The following CCDC191 variants were observed in gnomAD, a reference collection of about 807,000 sequenced individuals.
CCDC191 encodes the protein coiled-coil domain containing 191.
Under a neutral mutation model 114.0 loss-of-function variants are expected in CCDC191, and 99 were observed. That is an observed-to-expected ratio of 0.87 (90% confidence interval 0.74 to 1.03). The LOEUF (loss-of-function observed/expected upper bound fraction) is 1.03. CCDC191 is among the 50% of genes least tolerant of loss of function. The probability of loss-of-function intolerance (pLI) is 0.00; values close to 1 mark genes in which losing one functional copy is unlikely to be tolerated. For synonymous variants in CCDC191, 351 were observed against 376.0 expected (o/e 0.93, Z 0.77); for missense variants, 973 against 1,087.0 (o/e 0.90, Z 1.47).
chr3:113,988,277 C>T (rs1051825322), intron 13 of CCDC191, among the ~76,000 whole-genome samples: 3 of 151,666 alleles, frequency 2.0e-5, no homozygotes, highest in East Asian at 2.0e-4. Context: ...AGGTGGAGCA[C>T]GAGGTCAGGA....
chr3:113,996,397 T>G (rs2075724110), intron 13 of CCDC191, among the ~76,000 whole-genome samples: 1 of 152,188 alleles, frequency 6.6e-6, no homozygotes, highest in Non-Finnish European at 1.5e-5. Flanking sequence ...TTTATCAGGT[T>G]TGTTAAAGAT....
In CCDC191 at chr3:113,964,805, A is replaced by T. The variant is rs1160350298; in HGVS notation, c.*350T>A. 1 of 158,016 alleles carries T rather than the reference A, an allele frequency of 6.3e-6. No individual in the cohort carries two copies. The highest frequency in any genetic ancestry group is 2.4e-5 in the African/African-American group (1 of 41,736). The allele number at this position is 158,016 out of a possible 1,614,324, so 9.8% of individuals were successfully genotyped here. On this transcript the variant is annotated 3_prime_UTR_variant, in exon 17 of 17. Transcript: ENST00000295878. ...TTTATTTCTGTTTCATTAAGGTCAC[A>T]TCAGCAACTCCTGTCGTGCTATACG...
At chr3:113,968,742 G>A (rs1317008147) in intron 16 of CCDC191, among the ~76,000 whole-genome samples, 1 of 151,684 alleles carries the variant, frequency 6.6e-6, no homozygotes, top group Non-Finnish European at 1.5e-5. Flanking sequence ...TTATAGATGT[G>A]AGCCACTATA....
Position 114,053,613 on chromosome 3 carries a change from A to ACTGGATAAGGACAGTGTTC in CCDC191, c.112_113insGAACACTGTCCTTATCCAG (p.Val38GlyfsTer29), listed in dbSNP as rs1195112483. 1.3e-6 allele frequency: 2 copies of ACTGGATAAGGACAGTGTTC among 1,588,008 alleles called. No individual in the cohort carries two copies. Among genetic ancestry groups the ACTGGATAAGGACAGTGTTC allele is most frequent in the South Asian group, 2.2e-5 (2 of 89,270 alleles). ...TATCCTTACCTTTATCCAGTGTTCC[A>ACTGGATAAGGACAGTGTTC]CACTGTCAGGACCAAAAGTAGGCTG... is the stretch of plus-strand genomic sequence containing the variant. On this transcript the variant is annotated frameshift_variant, in exon 2 of 17. Coordinates refer to ENST00000295878, the MANE Select transcript of CCDC191 (RefSeq NM_020817.2). LOFTEE classifies it high-confidence loss of function.
chr3:113,979,878 C>T (rs1420592989), intron 14 of CCDC191, among the ~76,000 whole-genome samples: 2 of 152,188 alleles, frequency 1.3e-5, no homozygotes, highest in African/African-American at 4.8e-5. Context: ...GTTGCATGCA[C>T]TGGATAAATT....
At chr3:114,053,465 G>A (rs2076724128) in intron 2 of CCDC191, 132 bp downstream of exon 2, 3 of 473,248 alleles carry the variant, frequency 6.3e-6, no homozygotes, top group Non-Finnish European at 1.1e-5. Flanking sequence ...TAAAATTAAG[G>A]CAACTTACAT....
At chr3:113,978,363 A>C (rs1166806270) in intron 15 of CCDC191, 32 bp from the exon 16 acceptor site, 1 of 1,606,958 alleles carries the variant, frequency 6.2e-7, no homozygotes, top group East Asian at 2.2e-5. Context: ...AAAGTGAGAC[A>C]AAAAATATCA....
intron 3 of CCDC191, among the ~76,000 whole-genome samples, chr3:114,043,735 C>T (rs1369752360): frequency 6.6e-6 from 1 of 152,132 alleles, no homozygotes. Context: ...AGGTAGGGAA[C>T]ACCAATTGGG....
chr3:114,018,618 C>T, intron 8 of CCDC191, 60 bp downstream of exon 8: 5 of 1,348,586 alleles, frequency 3.7e-6, no homozygotes, highest in East Asian at 2.4e-5. Context: ...TTTGTGGATT[C>T]TTCAGGAGGG....
chr3:113,979,848 T>G (rs949187535), intron 14 of CCDC191, among the ~76,000 whole-genome samples: 6 of 152,212 alleles, frequency 3.9e-5, no homozygotes, highest in Admixed American at 6.5e-5. Context: ...TTTTATCTAT[T>G]TTGAATTTTT....
At chr3:114,011,084 T>C in intron 8 of CCDC191, 63 bp from the exon 9 acceptor site, 3 of 1,514,764 alleles carry the variant, frequency 2.0e-6, no homozygotes, top group South Asian at 2.6e-5. Flanking sequence ...ATTGATAATA[T>C]AAATGAAACA....
chr3:114,027,525 C>T (rs2076338458), intron 7 of CCDC191, among the ~76,000 whole-genome samples: 1 of 145,708 alleles, frequency 6.9e-6, no homozygotes, highest in South Asian at 2.2e-4. Context: ...TTGCTTGAAC[C>T]TAGGAGGTGG....
At chr3:113,976,694 G>A (rs1402368585) in intron 16 of CCDC191, among the ~76,000 whole-genome samples, 1 of 151,844 alleles carries the variant, frequency 6.6e-6, no homozygotes, top group Non-Finnish European at 1.5e-5. Flanking sequence ...CATTGAGTGA[G>A]TTACTATAGT....
intron 8 of CCDC191, among the ~76,000 whole-genome samples, chr3:114,014,093 A>G (rs1398114338): frequency 6.6e-6 from 1 of 152,216 alleles, no homozygotes; most frequent in Non-Finnish European, 1.5e-5. Context: ...ATGAAAAATG[A>G]TACATAATCA....
chr3:113,976,029 G>A (rs1228527459), intron 16 of CCDC191, among the ~76,000 whole-genome samples: 8 of 152,134 alleles, frequency 5.3e-5, no homozygotes, highest in Non-Finnish European at 1.0e-4. Context: ...AGGCCGAGGT[G>A]GGCAGATTCC....
At chr3:113,969,858 A>G (rs1940621497) in intron 16 of CCDC191, among the ~76,000 whole-genome samples, 2 of 152,268 alleles carry the variant, frequency 1.3e-5, no homozygotes, top group South Asian at 2.1e-4. Context: ...TATAAATATT[A>G]GGAATTTTTT....
intron 11 of CCDC191, chr3:114,003,328 A>G (rs1322379588): frequency 6.1e-6 from 6 of 985,384 alleles, no homozygotes; most frequent in Non-Finnish European, 7.2e-6. Flanking sequence ...GCCATATTTT[A>G]GAGAAAAGAA....
intron 8 of CCDC191, among the ~76,000 whole-genome samples, chr3:114,013,767 G>A (rs2076113231): frequency 6.6e-6 from 1 of 152,164 alleles, no homozygotes; most frequent in Non-Finnish European, 1.5e-5. Flanking sequence ...TATGAACCTT[G>A]CTGCCCAGGA....
At chr3:114,006,384 G>A (rs917958107) in intron 9 of CCDC191, among the ~76,000 whole-genome samples, 3 of 151,470 alleles carry the variant, frequency 2.0e-5, no homozygotes, top group African/African-American at 7.3e-5. Flanking sequence ...GGGAAGTGGA[G>A]GTTGCAGTGG....
Sources: gnomAD v4.1 joint callset for allele counts (sites outside exome capture counted in the v4.1 genomes callset) on GRCh38, gnomAD v4.1.1 for gene constraint, MANE v1.5 for transcripts, NCBI Gene and HGNC (gene_info 2026-07-23, HGNC 2026-07-21) for gene names.